The following TNXB variants were observed in gnomAD, a reference collection of about 807,000 sequenced individuals.
TNXB encodes tenascin-X.
Under a neutral mutation model 340.5 loss-of-function variants are expected in TNXB, and 183 were observed. The ratio of observed to expected loss-of-function variants is 0.54; its 90% CI spans 0.48 to 0.61. The LOEUF (loss-of-function observed/expected upper bound fraction) is 0.61, where lower values mean the gene tolerates loss of function less well. TNXB is among the 20% of genes least tolerant of loss of function. TNXB has a pLI of 0.00. For missense variants in TNXB, 4,613 were observed against 5,446.4 expected (o/e 0.85, Z 4.82); for synonymous variants, 2,121 against 2,314.5 (o/e 0.92, Z 2.40).
chr6:32,088,368 T>G (rs1170318201), intron 6 of TNXB, among the ~76,000 whole-genome samples: 11 of 152,192 alleles, frequency 7.2e-5, no homozygotes, highest in Non-Finnish European at 1.6e-4. Context: ...ATCACTGCTG[T>G]GAGACCCACC....
At chr6:32,057,186 C>T (rs1002812521) in intron 22 of TNXB, among the ~76,000 whole-genome samples, 5 of 152,096 alleles carry the variant, frequency 3.3e-5, no homozygotes, top group Non-Finnish European at 7.4e-5. Flanking sequence ...CACTCGGCCT[C>T]TGCACCCCTG....
At chr6:32,078,135 A>AAAGAAAGAAAG (rs1562845439) in intron 11 of TNXB, among the ~76,000 whole-genome samples, 9 of 138,694 alleles carry the variant, frequency 6.5e-5, no homozygotes, top group South Asian at 4.8e-4. Flanking sequence ...AAGAAAGAAA[A>AAAGAAAGAAAG]AGAGAGAAAG....
rs1216307507 is a variant in TNXB, at chr6:32,082,062, C to G, written c.3710G>C (p.Gly1237Ala). The G allele has an allele frequency of 6.2e-7, 1 of 1,606,924 alleles. No individual in the cohort carries two copies. Among genetic ancestry groups the G allele is most frequent in the African/African-American group, 1.3e-5 (1 of 74,848 alleles). The change falls in exon 9 of 44, where the codon GGC becomes GCC. Residue 1237 changes from glycine to alanine, a missense_variant. By Grantham distance (60) the Gly-to-Ala change is moderately conservative (BLOSUM62 0). Transcript: ENST00000644971. This position sits in a 1 kb window ranked among gnomAD's most constrained non-coding sequence, Gnocchi z 5.0. ...LFGIANKKRY[G>A]PLTADGTTAP... Reference sequence around the variant, plus strand: ...AGTGGTGCCATCGGCCGTGAGGGGGCCATACCGCTTCTTGTTCGCAATTCC... The same window carrying G: ...AGTGGTGCCATCGGCCGTGAGGGGGGCATACCGCTTCTTGTTCGCAATTCC...
At position 32,081,740 on chromosome 6, in the gene TNXB, G is replaced by A. The variant is rs1250502876; in HGVS notation, c.3737-67C>T. On this transcript the variant is annotated intron_variant, in intron 9 of 43. Transcript: ENST00000644971. The surrounding 1 kb of genome is among the most constrained non-coding windows in gnomAD (Gnocchi z 5.1). ...TGGGACTGGGGCTTGGGGTTTCGAC[G>A]GGATGTCACACCTATGGGGGGTGGG... 23 of 1,214,512 alleles carry A rather than the reference G, an allele frequency of 1.9e-5. 1 individual carries two copies. Among genetic ancestry groups the A allele is most frequent in the South Asian group, 1.4e-4 (9 of 66,220 alleles). The allele number at this position is 1,214,512 out of a possible 1,614,324, so 75.2% of individuals were successfully genotyped here.
At position 32,064,676 on chromosome 6, in the gene TNXB, C is replaced by T. The variant is rs575831489; in HGVS notation, c.6841+145G>A. 438 of 1,222,780 alleles carry T rather than the reference C, an allele frequency of 3.6e-4. 2 individuals carry two copies. Among genetic ancestry groups the T allele is most frequent in the South Asian group, 1.9e-3 (118 of 60,574 alleles). The allele number at this position is 1,222,780 out of a possible 1,614,324, so 75.7% of individuals were successfully genotyped here. ...AAGACCTGGGGCAATACCAAAGTCT[C>T]GGAGTGAAGGCACCAGCAGAACCAT... On this transcript the variant is annotated intron_variant, in intron 19 of 43. Transcript: ENST00000644971. This position sits in a 1 kb window ranked among gnomAD's most constrained non-coding sequence, Gnocchi z 5.3.
Position 32,061,322 on chromosome 6 carries a change from G to T in TNXB, c.7492+75C>A. ...AGACAAGTCTGGACCCACAGGGCTT[G>T]GTGAAAGGGCACAGCAGTAAACCAG... On this transcript the variant is annotated intron_variant, in intron 21 of 43. Coordinates refer to ENST00000644971, the MANE Select transcript of TNXB (RefSeq NM_001365276.2). The surrounding 1 kb of genome is among the most constrained non-coding windows in gnomAD (Gnocchi z 4.4). 1 of 1,559,222 alleles carries T rather than the reference G, an allele frequency of 6.4e-7. No individual in the cohort carries two copies. The highest frequency in any genetic ancestry group is 8.7e-7 in the Non-Finnish European group (1 of 1,151,004).
chr6:32,080,303 C>T lies in TNXB; in HGVS notation c.4043-938G>A, dbSNP rs1343657749. On this transcript the variant is annotated intron_variant, in intron 10 of 43. Transcript: ENST00000644971. The surrounding 1 kb of genome is among the most constrained non-coding windows in gnomAD (Gnocchi z 4.3). ...TCGGCTCACTGCAAGCTCCGCCTCC[C>T]GGGTTCACGCCATTCTCCTGCCTCA... Among the ~76,000 whole-genome samples, 3 of 152,048 alleles carry T rather than the reference C, an allele frequency of 2.0e-5. No individual in the cohort carries two copies. The highest frequency in any genetic ancestry group is 4.4e-5 in the Non-Finnish European group (3 of 68,002).
Position 32,067,790 on chromosome 6 carries a change from C to A in TNXB, c.6415G>T (p.Val2139Leu). 6.2e-7 allele frequency: 1 copy of A among 1,613,556 alleles called. No individual in the cohort carries two copies. Among genetic ancestry groups the A allele is most frequent in the East Asian group, 2.2e-5 (1 of 44,878 alleles). Reference sequence around the variant, plus strand: ...TCACTCTCCTCGCCCCCAACACGCACCACCTGGGGCCGCCCGTCCCTGTCC... The same window carrying A: ...TCACTCTCCTCGCCCCCAACACGCAACACCTGGGGCCGCCCGTCCCTGTCC... ...YKDRDGRPQV[V>L]RVGGEESEVT... Residue 2139 changes from valine (V) to leucine (L), a missense_variant, in exon 18 of 44, where the codon GTG (valine) becomes TTG (leucine). Around this residue, in one of 7 missense-constraint regions of TNXB, gnomAD observed 4,327 missense variants for 4,859.4 expected, o/e 0.89. Transcript: ENST00000644971. This position sits in a 1 kb window ranked among gnomAD's most constrained non-coding sequence, Gnocchi z 4.2.
rs1780463024 is a variant in TNXB at position 32,097,237 on chromosome 6, G to C, written c.616C>G (p.Pro206Ala). 1.2e-6 allele frequency: 2 copies of C among 1,606,410 alleles called. No homozygotes were observed. Among genetic ancestry groups the C allele is most frequent in the Non-Finnish European group, 1.7e-6 (2 of 1,176,668 alleles). Residue 206 changes from proline (P) to alanine (A), a missense_variant, in exon 3 of 44, where the codon CCC becomes GCC. Pro to Ala is a conservative substitution (Grantham distance 27). This residue lies in a region of TNXB where 4,327 missense variants were observed against 4,859.4 expected (regional missense o/e 0.89). Coordinates refer to ENST00000644971, the MANE Select transcript of TNXB (RefSeq NM_001365276.2). This position sits in a 1 kb window ranked among gnomAD's most constrained non-coding sequence, Gnocchi z 5.9. ...RCVRGRCVCF[P>A]GYTGPSCGWP... ...CCACAGCTGGGGCCAGTGTAGCCGG[G>C]AAAGCACACGCAACGACCACGGACA...
At position 32,052,775 on chromosome 6, in the gene TNXB, C is replaced by T. The variant is rs563489538; in HGVS notation, c.9010G>A (p.Glu3004Lys). Residue 3004 changes from glutamate (E) to lysine (K), a missense_variant, in exon 26 of 44, where the codon GAG becomes AAG. Physicochemically the swap from Glu to Lys is moderately conservative, Grantham distance 56. Coordinates refer to ENST00000644971, the MANE Select transcript of TNXB (RefSeq NM_001365276.2). This position sits in a 1 kb window ranked among gnomAD's most constrained non-coding sequence, Gnocchi z 4.7. Reference sequence around the variant, plus strand: ...GGCTCCAGGCCCCCCACGGTGACCTCGCTCTCCTCGCCCCTGACACGCACC... The same window carrying T: ...GGCTCCAGGCCCCCCACGGTGACCTTGCTCTCCTCGCCCCTGACACGCACC... ...QVVRVRGEES[E>K]VTVGGLEPGC... The T allele has an allele frequency of 1.3e-5, 21 of 1,613,806 alleles. No individual in the cohort carries two copies. Among genetic ancestry groups the T allele is most frequent in the Non-Finnish European group, 1.7e-5 (20 of 1,179,890 alleles).
intron 19 of TNXB, among the ~76,000 whole-genome samples, chr6:32,063,685 A>T (rs1412660317): frequency 6.6e-6 from 1 of 152,174 alleles, no homozygotes; most frequent in Non-Finnish European, 1.5e-5. Flanking sequence ...CTTTGTTTTC[A>T]TTGATTTCTT....
At chr6:32,071,950 G>C (rs754774569) in intron 13 of TNXB, 40 bp downstream of exon 13, 1 of 1,521,480 alleles carries the variant, frequency 6.6e-7, no homozygotes, top group East Asian at 2.3e-5. Context: ...GGGTGGGAAG[G>C]CTGTGGCCTC....
Position 32,049,387 on chromosome 6 carries a change from C to T in TNXB, c.9640G>A (p.Gly3214Ser), listed in dbSNP as rs769529435. The T allele has an allele frequency of 1.9e-6, 3 of 1,612,612 alleles. No individual in the cohort carries two copies. The highest frequency in any genetic ancestry group is 1.7e-5 in the Admixed American group (1 of 60,034). ...CCCACGGTGACCTCGCTCTCCTCGC[C>T]CCTGACACGCACCACCTGGGGCTGC... Reference protein sequence around the residue: ...DGQPQVVRVRGEESEVTVGGL... With the variant: ...DGQPQVVRVRSEESEVTVGGL... The change falls in exon 28 of 44, where the codon GGC becomes AGC. Residue 3214 changes from glycine (G) to serine (S), a missense_variant. By Grantham distance (56) the Gly-to-Ser change is moderately conservative. Transcript: ENST00000644971. This position sits in a 1 kb window ranked among gnomAD's most constrained non-coding sequence, Gnocchi z 4.5.
rs1779680282 is a variant in TNXB, at chr6:32,084,812, C to A, written c.3149-103G>T. 16 of 1,116,536 alleles carry A rather than the reference C, an allele frequency of 1.4e-5. No homozygotes were observed. The highest frequency in any genetic ancestry group is 1.9e-5 in the Non-Finnish European group (16 of 822,950). The allele number at this position is 1,116,536 out of a possible 1,614,324, so 69.2% of individuals were successfully genotyped here. ...CCACCTCACTCCATCCTGGATAGAT[C>A]CCTCCCCGGAAGACTCTATCTGCCC... On this transcript the variant is annotated intron_variant, in intron 7 of 43. Transcript: ENST00000644971. The surrounding 1 kb of genome is among the most constrained non-coding windows in gnomAD (Gnocchi z 5.5).
At position 32,073,646 on chromosome 6, in the gene TNXB, C is replaced by T. The variant is rs113497462; in HGVS notation, c.4681+1G>A. 1 of 1,605,140 alleles carries T rather than the reference C, an allele frequency of 6.2e-7. No homozygotes were observed. Reference sequence around the variant, plus strand: ...GAGGACTGAGTCCCCCCATTACTCACCCGTCACGATGACCACAGACAGGGG... The same window carrying T: ...GAGGACTGAGTCCCCCCATTACTCATCCGTCACGATGACCACAGACAGGGG... On this transcript the variant is annotated splice_donor_variant, in intron 12 of 43. Transcript: ENST00000644971. LOFTEE classifies it high-confidence loss of function. This position sits in a 1 kb window ranked among gnomAD's most constrained non-coding sequence, Gnocchi z 4.6.
chr6:32,071,578 C>CATT (rs35034919), intron 13 of TNXB, among the ~76,000 whole-genome samples: 23 of 139,966 alleles, frequency 1.6e-4, no homozygotes, highest in Non-Finnish European at 2.8e-4. Flanking sequence ...GCTTTTCTTT[C>CATT]TTTTTTTTTT....
Position 32,044,501 on chromosome 6 carries a change from G to T in TNXB, c.11143C>A (p.Arg3715=), listed in dbSNP as rs1402090510. ...LQRELMVPGT[R]HSAVLRDLRS... The stretch of plus-strand genomic sequence containing the variant: ...AGGTCCCGGAGCACGGCCGAGTGCC[G>T]CGTCCCCGGCACCATCAGCTCGCGC... Residue 3715 remains arginine (R), a synonymous_variant, in exon 33 of 44, where the codon CGG becomes AGG. Coordinates refer to ENST00000644971, the MANE Select transcript of TNXB (RefSeq NM_001365276.2). 2.4e-6 allele frequency: 1 copy of T among 414,158 alleles called. No homozygotes were observed. The allele number at this position is 414,158 out of a possible 1,614,324, so 25.7% of individuals were successfully genotyped here. A position where few individuals can be genotyped will look rare whatever the true frequency, so the allele number is the denominator to read the frequency against.
In TNXB at chr6:32,049,263, C is replaced by A. The variant is rs766045012; in HGVS notation, c.9757+7G>T. The A allele has an allele frequency of 3.1e-6, 5 of 1,606,392 alleles. No homozygotes were observed. The highest frequency in any genetic ancestry group is 1.1e-5 in the South Asian group (1 of 90,830). ...ACCTGGGGACGAGGGCCTGTCCCCC[C>A]ACTCACCCGTGATGCCCACGGTGGA... On this transcript the variant is annotated splice_region_variant and intron_variant, in intron 28 of 43. Coordinates refer to ENST00000644971, the MANE Select transcript of TNXB (RefSeq NM_001365276.2). This position sits in a 1 kb window ranked among gnomAD's most constrained non-coding sequence, Gnocchi z 4.5.
chr6:32,042,123 C>T lies in TNXB; in HGVS notation c.12358G>A (p.Val4120Met), dbSNP rs1776457406. ...GCCTCGTCCCCAGCCCGCAGGTCCA[C>T]GCGCATGGAGTAGTCACCTGCCTGT... ...LTQAGDYSMR[V>M]DLRAGDEAVF... Residue 4120 changes from valine (V) to methionine (M), a missense_variant, in exon 42 of 44, where the codon GTG (valine) becomes ATG (methionine). Physicochemically the swap from Val to Met is conservative, Grantham distance 21 (BLOSUM62 1). Transcript: ENST00000644971. 1.7e-5 allele frequency: 10 copies of T among 604,942 alleles called. No homozygotes were observed. In the Admixed American group the frequency reaches 1.8e-4, roughly 11 times the overall value. The allele number at this position is 604,942 out of a possible 1,614,324, so 37.5% of individuals were successfully genotyped here.
Sources: gnomAD v4.1 joint callset for allele counts (sites outside exome capture counted in the v4.1 genomes callset) on GRCh38, gnomAD v4.1.1 for gene constraint, gnomAD v4.1.1 regional missense constraint, Gnocchi (gnomAD v3.1) non-coding constraint, MANE v1.5 for transcripts, NCBI Gene and HGNC (gene_info 2026-07-23, HGNC 2026-07-21) for gene names.